Variants in CNTN4 observed in about 807,000 individuals in gnomAD.
CNTN4 encodes contactin-4.
Under a neutral mutation model 122.5 loss-of-function variants are expected in CNTN4, and 77 were observed. The observed-to-expected ratio is 0.63, with a 90% confidence interval of 0.52 to 0.76. The LOEUF (loss-of-function observed/expected upper bound fraction) is 0.76. CNTN4 is among the 30% of genes least tolerant of loss of function. The pLI, the probability that CNTN4 is intolerant of heterozygous loss-of-function variation, is 0.00. For synonymous variants in CNTN4, 512 were observed against 447.0 expected (o/e 1.15, Z -1.83); for missense variants, 1,256 against 1,259.1 (o/e 1.00, Z 0.04).
chr3:2,104,393 G>A (rs2032261206), intron 2 of CNTN4, among the ~76,000 whole-genome samples: 1 of 152,086 alleles, frequency 6.6e-6, no homozygotes, highest in South Asian at 2.1e-4. Flanking sequence ...TTAATTTTCA[G>A]TGACTTATTT....
At chr3:2,117,975 TAAA>T (rs149230531) in intron 2 of CNTN4, among the ~76,000 whole-genome samples, 2,328 of 152,278 alleles carry the variant, frequency 0.015, 54 homozygotes, top group African/African-American at 0.052. Context: ...CTGATTATAA[TAAA>T]AACTTTTTCT....
At chr3:2,314,611 C>G (rs1399232401) in intron 2 of CNTN4, among the ~76,000 whole-genome samples, 3 of 151,400 alleles carry the variant, frequency 2.0e-5, no homozygotes, top group African/African-American at 7.3e-5. Flanking sequence ...AGAATCCAAA[C>G]AAACAAGGTA....
At chr3:2,574,887 A>G (rs2079590116) in intron 4 of CNTN4, among the ~76,000 whole-genome samples, 1 of 152,038 alleles carries the variant, frequency 6.6e-6, no homozygotes, top group African/African-American at 2.4e-5. Context: ...GATTTCCATA[A>G]TGTTAATGAA....
At chr3:2,421,614 A>G (rs1265805221) in intron 3 of CNTN4, among the ~76,000 whole-genome samples, 1 of 152,142 alleles carries the variant, frequency 6.6e-6, no homozygotes, top group South Asian at 2.1e-4. Context: ...ATAGCACCAG[A>G]CAATCAGTAG....
chr3:2,226,191 C>T (rs190513321), intron 2 of CNTN4, among the ~76,000 whole-genome samples: 1 of 152,040 alleles, frequency 6.6e-6, no homozygotes, highest in Non-Finnish European at 1.5e-5. Flanking sequence ...GTTGCCATTA[C>T]ATTCTTACTT....
intron 2 of CNTN4, among the ~76,000 whole-genome samples, chr3:2,322,645 T>C (rs2150221403): frequency 6.6e-6 from 1 of 152,290 alleles, no homozygotes; most frequent in South Asian, 2.1e-4. Flanking sequence ...TTAATGCCAC[T>C]GAATTGTACA....
intron 6 of CNTN4, among the ~76,000 whole-genome samples, chr3:2,781,738 T>G (rs2091576479): frequency 1.4e-5 from 2 of 141,942 alleles, no homozygotes; most frequent in Admixed American, 6.9e-5. Context: ...TTTTTTTTTT[T>G]TTTTGAGACG....
intron 15 of CNTN4, among the ~76,000 whole-genome samples, chr3:3,028,949 G>A (rs1293263915): frequency 6.6e-6 from 1 of 152,040 alleles, no homozygotes; most frequent in Non-Finnish European, 1.5e-5. Flanking sequence ...TCATATACTC[G>A]GGTTCCAGAG....
rs563990404 is a variant in CNTN4 at position 2,868,513 on chromosome 3, G to A, written c.652+1564G>A. On this transcript the variant is annotated intron_variant, in intron 8 of 24. Coordinates refer to ENST00000418658, the MANE Select transcript of CNTN4 (RefSeq NM_175607.3). Reference sequence around the variant, plus strand: ...TTGTCAGTGAACTTTGTGCCCAAGTGATGCTCTGAACCTGAACCTTCCAGA... The same window carrying A: ...TTGTCAGTGAACTTTGTGCCCAAGTAATGCTCTGAACCTGAACCTTCCAGA... Among the ~76,000 whole-genome samples the A allele has an allele frequency of 4.6e-5, 7 of 152,288 alleles. No homozygotes were observed. The South Asian group carries it at 1.5e-3, about 32-fold the overall frequency.
At chr3:2,414,737 T>C (rs544620252) in intron 3 of CNTN4, among the ~76,000 whole-genome samples, 3 of 152,172 alleles carry the variant, frequency 2.0e-5, no homozygotes, top group South Asian at 2.1e-4. Context: ...ATTTAAATTT[T>C]TCTATAGTAT....
At chr3:3,031,017 A>G (rs753050680) in intron 16 of CNTN4, 42 bp downstream of exon 16, 4 of 1,613,140 alleles carry the variant, frequency 2.5e-6, no homozygotes, top group Non-Finnish European at 2.5e-6. Flanking sequence ...AAATATTTTC[A>G]TGATATCTAC....
chr3:2,252,428 A>G (rs2040414255), intron 2 of CNTN4, among the ~76,000 whole-genome samples: 1 of 151,690 alleles, frequency 6.6e-6, no homozygotes, highest in Admixed American at 6.6e-5. Flanking sequence ...GAATTTACAC[A>G]TTGATAAAAA....
intron 10 of CNTN4, among the ~76,000 whole-genome samples, chr3:2,897,437 T>G (rs1224803554): frequency 4.3e-5 from 3 of 70,462 alleles, no homozygotes; most frequent in Non-Finnish European, 5.9e-5. Flanking sequence ...CTGTATATAT[T>G]ACAAAAAAAA....
At chr3:2,305,953 A>T (rs890238658) in intron 2 of CNTN4, among the ~76,000 whole-genome samples, 1 of 152,200 alleles carries the variant, frequency 6.6e-6, no homozygotes. Context: ...ATGTTATAGC[A>T]TGTATCAGTA....
chr3:2,857,636 G>T (rs2093630277), intron 7 of CNTN4, among the ~76,000 whole-genome samples: 2 of 152,200 alleles, frequency 1.3e-5, no homozygotes, highest in South Asian at 4.2e-4. Context: ...GGAGTAAAGT[G>T]GTGCGATTAT....
At chr3:2,992,459 A>G (rs2020115) in intron 14 of CNTN4, among the ~76,000 whole-genome samples, 77,901 of 151,976 alleles carry the variant, frequency 0.51, 20,613 homozygotes, top group African/African-American at 0.64. Flanking sequence ...AGAACTCTAC[A>G]GAGGGCAGGG....
intron 3 of CNTN4, among the ~76,000 whole-genome samples, chr3:2,440,742 A>G (rs1575635912): frequency 6.6e-6 from 1 of 150,660 alleles, no homozygotes; most frequent in Non-Finnish European, 1.5e-5. Flanking sequence ...TTGTGTATGA[A>G]TGAATATATG....
Position 2,611,297 on chromosome 3 carries a change from C to CAAAA in CNTN4, c.55+39751_55+39754dup, listed in dbSNP as rs201162114. ...CAAAAGTACTCACAGCACCTGGAAC[C>CAAAA]AAAAAAAAAAAAAAAGAAAGAAAGA... On this transcript the variant is annotated intron_variant, in intron 4 of 24. Coordinates refer to ENST00000418658, the MANE Select transcript of CNTN4 (RefSeq NM_175607.3). Among the ~76,000 whole-genome samples the CAAAA allele has an allele frequency of 2.9e-3, 182 of 62,144 alleles. 2 individuals are homozygous for CAAAA. The highest frequency in any genetic ancestry group is 0.012 in the African/African-American group (134 of 11,524). The allele number at this position is 62,144 out of a possible 152,430, so 40.8% of individuals were successfully genotyped here. A position where few individuals can be genotyped will look rare whatever the true frequency, so the allele number is the denominator to read the frequency against.
Position 3,057,706 on chromosome 3 carries a change from A to G in CNTN4, c.*1486A>G, listed in dbSNP as rs373700954. ...TAATCGGGATTCCATTTGTGTAAAA[A>G]CTAGGGTGGTAACCGGAAAAAAATA... On this transcript the variant is annotated 3_prime_UTR_variant, in exon 25 of 25. Transcript: ENST00000418658. 2 of 152,718 alleles carry G rather than the reference A, an allele frequency of 1.3e-5. No homozygotes were observed. Among genetic ancestry groups the G allele is most frequent in the African/African-American group, 4.8e-5 (2 of 41,566 alleles). The allele number at this position is 152,718 out of a possible 1,614,324, so 9.5% of individuals were successfully genotyped here.
Sources: allele counts gnomAD v4.1 joint callset (sites outside exome capture counted in the v4.1 genomes callset), GRCh38; gene constraint gnomAD v4.1.1; transcripts MANE v1.5; gene names NCBI Gene and HGNC (gene_info 2026-07-23, HGNC 2026-07-21).